Variants in GLS observed in about 807,000 individuals in gnomAD.
GLS encodes glutaminase, also known as glutaminase kidney isoform, mitochondrial.
GLS carries 36 observed loss-of-function variants against 86.7 expected under a neutral mutation model. The observed-to-expected ratio is 0.42, with a 90% CI of 0.32 to 0.55. The LOEUF is 0.55. Ranked by LOEUF, GLS falls within the 20% of genes least tolerant of loss-of-function variation. The probability of loss-of-function intolerance (pLI) is 0.17; values close to 1 mark genes in which losing one functional copy is unlikely to be tolerated. For missense variants in GLS, 528 were observed against 833.4 expected, an observed-to-expected ratio of 0.63 and a Z score of 4.51; for synonymous variants, 317 against 305.9, an observed-to-expected ratio of 1.04 and a Z score of -0.38.
intron 14 of GLS, among the ~76,000 whole-genome samples, chr2:190,941,004 TTTGA>T (rs1434825068): frequency 1.1e-4 from 17 of 152,300 alleles, no homozygotes; most frequent in African/African-American, 3.8e-4. Flanking sequence ...GCTAATTAAA[TTTGA>T]TTGTGCAATT....
Position 190,895,811 on chromosome 2 carries a change from C to A in GLS, c.605+86C>A. ...TAAAACAAAATTGCATCTTTGAAGGCCACTGCTTCCTGTGTAATGGAAAAA... is the reference window on the plus strand; with the variant it reads ...TAAAACAAAATTGCATCTTTGAAGGACACTGCTTCCTGTGTAATGGAAAAA... On this transcript the variant is annotated intron_variant, in intron 3 of 17. Coordinates refer to ENST00000320717, the MANE Select transcript of GLS (RefSeq NM_014905.5). The surrounding 1 kb of genome is among the most constrained non-coding windows in gnomAD (Gnocchi z 4.2). The A allele has an allele frequency of 1.0e-6, 1 of 956,502 alleles. No homozygotes were observed. Among genetic ancestry groups the A allele is most frequent in the Non-Finnish European group, 1.6e-6 (1 of 642,112 alleles). The allele number at this position is 956,502 out of a possible 1,614,324, so 59.3% of individuals were successfully genotyped here. A position where few individuals can be genotyped will look rare whatever the true frequency, so the allele number is the denominator to read the frequency against.
At chr2:190,918,204 A>C (rs1490980706) in intron 7 of GLS, among the ~76,000 whole-genome samples, 1 of 152,186 alleles carries the variant, frequency 6.6e-6, no homozygotes, top group Non-Finnish European at 1.5e-5. Flanking sequence ...GTCATCTTTC[A>C]ATAAAAGGCT....
chr2:190,934,797 T>C, intron 14 of GLS: 1 of 963,066 alleles, frequency 1.0e-6, no homozygotes, highest in Non-Finnish European at 1.2e-6. Context: ...TGAAGTACTG[T>C]TATCTAAGCT....
At chr2:190,932,180 A>G (rs527470266) in intron 14 of GLS, among the ~76,000 whole-genome samples, 28 of 152,088 alleles carry the variant, frequency 1.8e-4, no homozygotes, top group African/African-American at 6.7e-4. Context: ...TTAATGCAAT[A>G]TTCCTAATAA....
intron 7 of GLS, chr2:190,919,796 T>G: frequency 8.5e-6 from 3 of 353,216 alleles, no homozygotes; most frequent in Non-Finnish European, 1.2e-5. Context: ...TTAGAGAAAA[T>G]ACATAGATAG....
intron 7 of GLS, among the ~76,000 whole-genome samples, chr2:190,911,945 T>G (rs1574585596): frequency 6.6e-6 from 1 of 152,116 alleles, no homozygotes; most frequent in African/African-American, 2.4e-5. Context: ...CTTCCTTCAC[T>G]GCACACAGTT....
In GLS at chr2:190,884,806, CAAT is replaced by C. The variant is rs557294470; in HGVS notation, c.386+3337_386+3339del. On this transcript the variant is annotated intron_variant, in intron 1 of 17. Transcript: ENST00000320717. ...TATTGAAAGTATTCTGTTAAAACAA[CAAT>C]GAGGTCACTTTCCCCTTCTCAGATT... is the stretch of plus-strand genomic sequence containing the variant. Among the ~76,000 whole-genome samples the C allele has an allele frequency of 3.0e-3, 459 of 152,260 alleles. 7 individuals are homozygous for C. The highest frequency in any genetic ancestry group is 0.01 in the African/African-American group (428 of 41,552).
At chr2:190,893,612 G>A (rs1181983702) in intron 1 of GLS, among the ~76,000 whole-genome samples, 1 of 152,142 alleles carries the variant, frequency 6.6e-6, no homozygotes, top group Non-Finnish European at 1.5e-5. Context: ...TGGAGACAGA[G>A]TCTCGCTCTG....
Position 190,963,685 on chromosome 2 carries a change from GCTAT to G in GLS, c.*702_*705del, listed in dbSNP as rs1691057486. The G allele has an allele frequency of 6.6e-6, 1 of 152,552 alleles. No individual in the cohort carries two copies. The highest frequency in any genetic ancestry group is 1.5e-5 in the Non-Finnish European group (1 of 68,026). The allele number at this position is 152,552 out of a possible 1,614,324, so 9.4% of individuals were successfully genotyped here. A position where few individuals can be genotyped will look rare whatever the true frequency, so the allele number is the denominator to read the frequency against. ...TCCAGCCTCTCTTCTCAGACATTTAGCTATCTGCCTCTTTCCTTTAGCTGGGAAA... is the reference window on the plus strand; with the variant it reads ...TCCAGCCTCTCTTCTCAGACATTTAGCTGCCTCTTTCCTTTAGCTGGGAAA... On this transcript the variant is annotated 3_prime_UTR_variant, in exon 18 of 18. Transcript: ENST00000320717.
In GLS at chr2:190,956,733, G is replaced by A. The variant is rs1316713233; in HGVS notation, c.1853+1915G>A. Among the ~76,000 whole-genome samples, 2 of 152,248 alleles carry A rather than the reference G, an allele frequency of 1.3e-5. No individual in the cohort carries two copies. Among genetic ancestry groups the A allele is most frequent in the East Asian group, 1.9e-4 (1 of 5,186 alleles). On this transcript the variant is annotated intron_variant, in intron 17 of 17. Coordinates refer to ENST00000320717, the MANE Select transcript of GLS (RefSeq NM_014905.5). This position sits in a 1 kb window ranked among gnomAD's most constrained non-coding sequence, Gnocchi z 4.2. ...CATGATATTGATTCTTTCTAGCCAC[G>A]AGCATGGAATGTTTTTCCATTTGTT...
At chr2:190,894,768 A>T (rs1364327795) in intron 1 of GLS, among the ~76,000 whole-genome samples, 1 of 152,174 alleles carries the variant, frequency 6.6e-6, no homozygotes, top group East Asian at 1.9e-4. Context: ...TATTTAGAAA[A>T]TCCCCAAAAC....
In GLS at chr2:190,954,224, C is replaced by T. The variant is rs1401955399; in HGVS notation, c.1713-360C>T. ...CTGTGAAATGTTTAAGAATGGGAGT[C>T]TTAGTAAAACATACAACTTTACTAT... On this transcript the variant is annotated intron_variant, in intron 15 of 17. Coordinates refer to ENST00000320717, the MANE Select transcript of GLS (RefSeq NM_014905.5). The surrounding 1 kb of genome is among the most constrained non-coding windows in gnomAD (Gnocchi z 4.0). Among the ~76,000 whole-genome samples the T allele has an allele frequency of 6.6e-6, 1 of 151,928 alleles. No homozygotes were observed. Among genetic ancestry groups the T allele is most frequent in the Non-Finnish European group, 1.5e-5 (1 of 68,026 alleles).
At chr2:190,909,654 G>A (rs943609690) in intron 6 of GLS, among the ~76,000 whole-genome samples, 1 of 152,140 alleles carries the variant, frequency 6.6e-6, no homozygotes, top group African/African-American at 2.4e-5. Flanking sequence ...AGAAGAAATA[G>A]GAGTTTGGAT....
rs1036809643 is a variant in GLS at position 190,951,456 on chromosome 2, A to G, written c.1651-2109A>G. Among the ~76,000 whole-genome samples the G allele has an allele frequency of 9.9e-5, 15 of 152,206 alleles. No homozygotes were observed. Among genetic ancestry groups the G allele is most frequent in the African/African-American group, 3.1e-4 (13 of 41,452 alleles). ...GTTTTAAGGTAAACTGAGAGAACCA[A>G]TGAAAGAGGAAAAGTTAAAGATGCT... On this transcript the variant is annotated intron_variant, in intron 14 of 17. Transcript: ENST00000320717. This position sits in a 1 kb window ranked among gnomAD's most constrained non-coding sequence, Gnocchi z 4.2.
intron 17 of GLS, among the ~76,000 whole-genome samples, chr2:190,957,478 C>A (rs1008244172): frequency 6.6e-6 from 1 of 152,210 alleles, no homozygotes; most frequent in African/African-American, 2.4e-5. Context: ...GCATCCTTGT[C>A]TTGTGCCAAT....
At chr2:190,944,520 CTT>C (rs1690533109) in intron 14 of GLS, among the ~76,000 whole-genome samples, 1 of 152,130 alleles carries the variant, frequency 6.6e-6, no homozygotes, top group Admixed American at 6.6e-5. Flanking sequence ...GAGTAGCTGT[CTT>C]TGTCTTTGCT....
At chr2:190,907,171 G>A (rs1217438868) in intron 6 of GLS, among the ~76,000 whole-genome samples, 7 of 151,744 alleles carry the variant, frequency 4.6e-5, no homozygotes, top group Non-Finnish European at 8.8e-5. Context: ...TGATCTGCCC[G>A]CCTCGGCCTC....
At chr2:190,957,606 T>G (rs1469719809) in intron 17 of GLS, among the ~76,000 whole-genome samples, 1 of 152,144 alleles carries the variant, frequency 6.6e-6, no homozygotes, top group Non-Finnish European at 1.5e-5. Context: ...TTATTGAGAG[T>G]TTTTAGCATG....
chr2:190,882,266 G>C (rs1688228363), intron 1 of GLS, among the ~76,000 whole-genome samples: 1 of 152,322 alleles, frequency 6.6e-6, no homozygotes, highest in East Asian at 1.9e-4. Context: ...TGAAAAATCT[G>C]AGTTGAGTAG....
Sources: gnomAD v4.1 joint callset for allele counts (sites outside exome capture counted in the v4.1 genomes callset) on GRCh38, gnomAD v4.1.1 for gene constraint, Gnocchi (gnomAD v3.1) non-coding constraint, MANE v1.5 for transcripts, NCBI Gene and HGNC (gene_info 2026-07-23, HGNC 2026-07-21) for gene names.